GRIN2A: variants seen among roughly 807,000 people sequenced by gnomAD.
GRIN2A encodes glutamate receptor ionotropic, NMDA 2A.
In GRIN2A, 22 loss-of-function variants were observed where a neutral mutation model predicts 113.4. The observed-to-expected ratio is 0.19, with a 90% CI of 0.14 to 0.28. The LOEUF is 0.28. Ranked by LOEUF, GRIN2A falls within the 10% of genes least tolerant of loss-of-function variation. GRIN2A has a pLI of 1.00. For synonymous variants in GRIN2A, 827 were observed against 738.4 expected (o/e 1.12, Z -1.94); for missense variants, 1,502 against 1,887.0 (o/e 0.80, Z 3.78).
chr16:10,061,954 T>G (rs1038074004), intron 2 of GRIN2A, among the ~76,000 whole-genome samples: 1 of 152,214 alleles, frequency 6.6e-6, no homozygotes, highest in Non-Finnish European at 1.5e-5. Context: ...TTCCGTCAGC[T>G]TCTCTGCTGA....
chr16:9,992,222 G>C (rs1019024666), intron 2 of GRIN2A, among the ~76,000 whole-genome samples: 1 of 152,058 alleles, frequency 6.6e-6, no homozygotes, highest in East Asian at 1.9e-4. Flanking sequence ...AAAAGATAGG[G>C]AATCAATCCA....
At chr16:10,106,181 GAA>G (rs2048497047) in intron 2 of GRIN2A, among the ~76,000 whole-genome samples, 1 of 132,976 alleles carries the variant, frequency 7.5e-6, no homozygotes, top group Non-Finnish European at 1.7e-5. Context: ...TCTTATAAGT[GAA>G]AGAGTTTTTT....
At chr16:9,865,945 A>G (rs2043153710) in intron 4 of GRIN2A, among the ~76,000 whole-genome samples, 1 of 152,256 alleles carries the variant, frequency 6.6e-6, no homozygotes, top group Non-Finnish European at 1.5e-5. Context: ...GAACACAGCC[A>G]TGCTTATTTC....
chr16:9,943,060 A>G (rs1297860062), intron 2 of GRIN2A: 1 of 152,242 alleles, frequency 6.6e-6, no homozygotes, highest in Non-Finnish European at 1.5e-5. Flanking sequence ...AATATGCCAA[A>G]TAGCCCAAAG....
chr16:10,049,393 T>G (rs1051487970), intron 2 of GRIN2A, among the ~76,000 whole-genome samples: 2 of 152,132 alleles, frequency 1.3e-5, no homozygotes, highest in East Asian at 3.8e-4. Context: ...ATTTTTTTTT[T>G]TCGAGACAGA....
intron 2 of GRIN2A, among the ~76,000 whole-genome samples, chr16:10,036,437 C>CT (rs1360199200): frequency 0.19 from 17,729 of 91,564 alleles, 1,682 homozygotes; most frequent in East Asian, 0.28. Context: ...TTAGTACTTA[C>CT]TTTTTTTTTT....
intron 2 of GRIN2A, among the ~76,000 whole-genome samples, chr16:9,975,092 T>TTTCTGCATCTATTAAGATAA (rs1359616739): frequency 6.6e-6 from 1 of 152,202 alleles, no homozygotes; most frequent in African/African-American, 2.4e-5. Context: ...TTTAAATAAT[T>TTTCTGCATCTATTAAGATAA]TTCTGCATCT....
At chr16:9,978,938 A>T (rs2045829951) in intron 2 of GRIN2A, among the ~76,000 whole-genome samples, 1 of 152,198 alleles carries the variant, frequency 6.6e-6, no homozygotes, top group South Asian at 2.1e-4. Flanking sequence ...CACTTCTAAG[A>T]CATTAAAAAG....
In GRIN2A at chr16:9,764,918, T is replaced by A. The variant is rs1399604502; in HGVS notation, c.2626A>T (p.Ile876Phe). 3.1e-6 allele frequency: 5 copies of A among 1,614,096 alleles called. No individual in the cohort carries two copies. Among genetic ancestry groups the A allele is most frequent in the Non-Finnish European group, 1.7e-6 (2 of 1,179,906 alleles). The stretch of plus-strand genomic sequence containing the variant: ...TCTGGAGACTTCTTCTTTTCTTCAA[T>A]GTGCACTCCATGAATGCAGCTGTAG... Reference protein sequence around the residue: ...GIYSCIHGVHIEEKKKSPDFN... With the variant: ...GIYSCIHGVHFEEKKKSPDFN... The change falls in exon 13 of 13, where the codon ATT becomes TTT. Residue 876 changes from isoleucine to phenylalanine, a missense_variant. Ile to Phe is a conservative substitution (Grantham distance 21). Transcript: ENST00000330684.
At chr16:9,866,070 CAGTT>C (rs1330054747) in intron 4 of GRIN2A, among the ~76,000 whole-genome samples, 2 of 152,192 alleles carry the variant, frequency 1.3e-5, no homozygotes, top group African/African-American at 4.8e-5. Context: ...TTTACATAAA[CAGTT>C]AGGGGTTTTG....
At chr16:9,770,763 C>A (rs896151090) in intron 11 of GRIN2A, among the ~76,000 whole-genome samples, 11 of 152,158 alleles carry the variant, frequency 7.2e-5, no homozygotes, top group African/African-American at 2.4e-4. Flanking sequence ...CCTATCATAT[C>A]TTTTTTAAAA....
chr16:9,929,451 ATC>A (rs1405063211), intron 3 of GRIN2A, among the ~76,000 whole-genome samples: 3 of 152,170 alleles, frequency 2.0e-5, no homozygotes. Context: ...CCTCATATTC[ATC>A]TGTCAAGTCT....
intron 10 of GRIN2A, among the ~76,000 whole-genome samples, chr16:9,800,295 G>A (rs1226457196): frequency 6.6e-6 from 1 of 152,096 alleles, no homozygotes; most frequent in East Asian, 1.9e-4. Flanking sequence ...CCTGGATATT[G>A]TTTCCAAATG....
intron 1 of GRIN2A, among the ~76,000 whole-genome samples, chr16:10,181,166 T>G (rs1381237594): frequency 8.9e-4 from 1 of 1,120 alleles, no homozygotes; most frequent in East Asian, 0.033. Flanking sequence ...TGGAGAGTCC[T>G]TCACCCCTAC....
intron 3 of GRIN2A, among the ~76,000 whole-genome samples, chr16:9,907,610 T>C (rs1022671109): frequency 2.0e-5 from 3 of 152,186 alleles, no homozygotes; most frequent in African/African-American, 7.2e-5. Context: ...TTACTAGATA[T>C]TATTTTTAAA....
At chr16:9,883,453 G>T (rs1311280787) in intron 4 of GRIN2A, among the ~76,000 whole-genome samples, 1 of 152,190 alleles carries the variant, frequency 6.6e-6, no homozygotes, top group Non-Finnish European at 1.5e-5. Context: ...ATACAGGTCT[G>T]CAGGAATGAA....
chr16:9,772,963 A>G (rs1431421721), intron 11 of GRIN2A, among the ~76,000 whole-genome samples: 3 of 148,846 alleles, frequency 2.0e-5, no homozygotes, highest in Non-Finnish European at 4.4e-5. Context: ...CACATTTCTC[A>G]TTACCAATTA....
At chr16:9,867,806 G>A (rs1300728321) in intron 4 of GRIN2A, among the ~76,000 whole-genome samples, 1 of 151,402 alleles carries the variant, frequency 6.6e-6, no homozygotes, top group Non-Finnish European at 1.5e-5. Flanking sequence ...TCTCCCTCTT[G>A]CCCCCAGAAC....
chr16:9,932,953 C>T (rs1011799415), intron 3 of GRIN2A, among the ~76,000 whole-genome samples: 9 of 152,128 alleles, frequency 5.9e-5, no homozygotes, highest in Non-Finnish European at 1.2e-4. Flanking sequence ...CTGAACTGGA[C>T]AGATTCTTGT....
Sources: gnomAD v4.1 joint callset for allele counts (sites outside exome capture counted in the v4.1 genomes callset) on GRCh38, gnomAD v4.1.1 for gene constraint, MANE v1.5 for transcripts, NCBI Gene and HGNC (gene_info 2026-07-23, HGNC 2026-07-21) for gene names.